RGS7: variants seen among roughly 807,000 people sequenced by gnomAD.
The protein encoded by RGS7 is regulator of G protein signaling 7.
RGS7 carries 27 observed loss-of-function variants against 81.1 expected under a neutral mutation model. The observed-to-expected ratio is 0.33, with a 90% CI of 0.25 to 0.46. RGS7 has a LOEUF of 0.46. Among genes scored for constraint, RGS7 ranks in the 20% least tolerant of loss-of-function variants. The pLI, the probability that RGS7 is intolerant of heterozygous loss-of-function variation, is 1.00. For synonymous variants in RGS7, 208 were observed against 207.7 expected, an observed-to-expected ratio of 1.00 and a Z score of -0.01; for missense variants, 396 against 607.4, an observed-to-expected ratio of 0.65 and a Z score of 3.66.
At chr1:241,012,863 C>A (rs1031512939) in intron 3 of RGS7, among the ~76,000 whole-genome samples, 1 of 152,088 alleles carries the variant, frequency 6.6e-6, no homozygotes, top group Non-Finnish European at 1.5e-5. Flanking sequence ...CCACTGGCTA[C>A]TAACTGTTCT....
intron 3 of RGS7, among the ~76,000 whole-genome samples, chr1:241,088,067 C>CAT (rs755780887): frequency 6.6e-4 from 95 of 144,836 alleles, no homozygotes; most frequent in African/African-American, 9.2e-4. Context: ...CACACACACA[C>CAT]ATATATATAT....
chr1:240,923,207 C>A (rs1673872300), intron 6 of RGS7, among the ~76,000 whole-genome samples: 1 of 151,724 alleles, frequency 6.6e-6, no homozygotes, highest in Non-Finnish European at 1.5e-5. Flanking sequence ...GATAAATAGG[C>A]AGAACACAGA....
intron 6 of RGS7, among the ~76,000 whole-genome samples, chr1:240,912,298 T>C (rs1178579348): frequency 6.6e-6 from 1 of 152,032 alleles, no homozygotes; most frequent in African/African-American, 2.4e-5. Flanking sequence ...AGGAGTAACA[T>C]TTAAAATGAG....
chr1:241,256,897 C>A (rs1403109740), intron 2 of RGS7, among the ~76,000 whole-genome samples: 1 of 150,638 alleles, frequency 6.6e-6, no homozygotes, highest in Non-Finnish European at 1.5e-5. Flanking sequence ...AGGCCAAGAC[C>A]CCAGTTATTC....
chr1:240,782,568 G>A lies in RGS7; in HGVS notation c.*7-6355C>T, dbSNP rs1025291475. On this transcript the variant is annotated intron_variant, in intron 18 of 18. Coordinates refer to ENST00000440928, the MANE Select transcript of RGS7 (RefSeq NM_001364886.1). ...CTCCCGAGTAGGTGAGACCACAGGT[G>A]TGCACCACCACACCTCGCTGATTTT... Among the ~76,000 whole-genome samples, 49 of 151,754 alleles carry A rather than the reference G, an allele frequency of 3.2e-4. 1 individual carries two copies. Among genetic ancestry groups the A allele is most frequent in the Non-Finnish European group, 1.5e-5 (1 of 67,934 alleles).
rs1166538103 is a variant in RGS7 at position 241,162,858 on chromosome 1, T to C, written c.79-64096A>G. Reference sequence around the variant, plus strand: ...CAGCTAATAAATACAAGAGGAGAATTTGAAGTAAGGCAGTCTGACTCTGGT... The same window carrying C: ...CAGCTAATAAATACAAGAGGAGAATCTGAAGTAAGGCAGTCTGACTCTGGT... On this transcript the variant is annotated intron_variant, in intron 2 of 18. Coordinates refer to ENST00000440928, the MANE Select transcript of RGS7 (RefSeq NM_001364886.1). 2.0e-5 allele frequency among the ~76,000 whole-genome samples: 3 copies of C among 152,204 alleles called. No individual in the cohort carries two copies. The East Asian group carries it at 5.8e-4, about 29-fold the overall frequency.
intron 2 of RGS7, among the ~76,000 whole-genome samples, chr1:241,237,668 C>T (rs886198118): frequency 6.6e-6 from 1 of 152,076 alleles, no homozygotes; most frequent in African/African-American, 2.4e-5. Context: ...GAGAAACACA[C>T]CCTTCACCAG....
chr1:241,098,737 T>C lies in RGS7; in HGVS notation c.104A>G (p.Gln35Arg), dbSNP rs1208853828. Residue 35 changes from glutamine (Q) to arginine (R), a missense_variant, in exon 3 of 19, where the codon CAA becomes CGA. By Grantham distance (43) the Gln-to-Arg change is conservative. Transcript: ENST00000440928. ...RKMEDVIARM[Q>R]DEKNGIPIRT... ...AATAGGAATTCCATTTTTTTCATCT[T>C]GCATCCGTGCTATGACGTCTTCCAT... 3.7e-6 allele frequency: 6 copies of C among 1,612,998 alleles called. No homozygotes were observed. The highest frequency in any genetic ancestry group is 5.1e-6 in the Non-Finnish European group (6 of 1,179,376).
At chr1:240,865,771 A>T (rs925292510) in intron 9 of RGS7, among the ~76,000 whole-genome samples, 8 of 152,142 alleles carry the variant, frequency 5.3e-5, no homozygotes, top group African/African-American at 1.9e-4. Context: ...GTTTTCCCCT[A>T]TGCCACTTTT....
chr1:240,889,061 T>A (rs551343080), intron 6 of RGS7, among the ~76,000 whole-genome samples: 20 of 152,250 alleles, frequency 1.3e-4, no homozygotes, highest in African/African-American at 4.1e-4. Flanking sequence ...GTTCAAGCGA[T>A]TCTCCTTGCC....
At chr1:241,306,237 C>T (rs2080116043) in intron 2 of RGS7, among the ~76,000 whole-genome samples, 2 of 150,076 alleles carry the variant, frequency 1.3e-5, no homozygotes, top group South Asian at 2.1e-4. Flanking sequence ...TACTACACAC[C>T]CTCACACACA....
chr1:240,939,405 A>G (rs1677182485), intron 4 of RGS7, among the ~76,000 whole-genome samples: 1 of 152,214 alleles, frequency 6.6e-6, no homozygotes, highest in Non-Finnish European at 1.5e-5. Context: ...AGGAATCCTG[A>G]CAGTCCTAAG....
intron 9 of RGS7, among the ~76,000 whole-genome samples, chr1:240,832,651 C>CGGCAA (rs1472462196): frequency 6.6e-6 from 1 of 152,152 alleles, no homozygotes; most frequent in Non-Finnish European, 1.5e-5. Flanking sequence ...CAAGACAACT[C>CGGCAA]GGCAAAGCCT....
At chr1:241,262,207 G>C (rs2077373210) in intron 2 of RGS7, among the ~76,000 whole-genome samples, 1 of 152,106 alleles carries the variant, frequency 6.6e-6, no homozygotes, top group Non-Finnish European at 1.5e-5. Context: ...CTCTCTGTAT[G>C]GGTCCCAAAT....
chr1:240,840,225 A>G (rs1336111584), intron 9 of RGS7, among the ~76,000 whole-genome samples: 1 of 152,012 alleles, frequency 6.6e-6, no homozygotes, highest in Non-Finnish European at 1.5e-5. Context: ...CGTCATGCTC[A>G]GGATAAAAGG....
At chr1:241,292,978 T>C (rs992742649) in intron 2 of RGS7, among the ~76,000 whole-genome samples, 11 of 152,234 alleles carry the variant, frequency 7.2e-5, no homozygotes, top group Non-Finnish European at 1.3e-4. Flanking sequence ...ATCAGAAAAT[T>C]TGTAGAATGT....
chr1:241,354,062 G>A (rs533589607), intron 2 of RGS7, among the ~76,000 whole-genome samples: 33 of 152,174 alleles, frequency 2.2e-4, no homozygotes, highest in African/African-American at 7.5e-4. Flanking sequence ...GAATACAATT[G>A]TTTAGCCTAA....
At chr1:240,856,256 C>CAG in intron 9 of RGS7, among the ~76,000 whole-genome samples, 1 of 152,120 alleles carries the variant, frequency 6.6e-6, no homozygotes. Flanking sequence ...TCAACGTAAA[C>CAG]CTCTGTTTCA....
intron 18 of RGS7, among the ~76,000 whole-genome samples, chr1:240,789,600 C>A (rs915066834): frequency 6.6e-6 from 1 of 152,284 alleles, no homozygotes; most frequent in African/African-American, 2.4e-5. Flanking sequence ...CTTTTACGGT[C>A]GTAGCTGTGG....
Sources: gnomAD v4.1 joint callset for allele counts (sites outside exome capture counted in the v4.1 genomes callset) on GRCh38, gnomAD v4.1.1 for gene constraint, MANE v1.5 for transcripts, NCBI Gene and HGNC (gene_info 2026-07-23, HGNC 2026-07-21) for gene names.